Variants in SFMBT2 observed in about 807,000 individuals in gnomAD.
SFMBT2 encodes the protein Scm like with four mbt domains 2.
In SFMBT2, 38 loss-of-function variants were observed where a neutral mutation model predicts 110.1. The observed-to-expected ratio is 0.35, with a 90% CI of 0.27 to 0.45. The LOEUF (loss-of-function observed/expected upper bound fraction) is 0.45. Ranked by LOEUF, SFMBT2 falls within the 20% of genes least tolerant of loss-of-function variation. The pLI is 1.00. For missense variants in SFMBT2, 1,011 were observed against 1,094.9 expected, an observed-to-expected ratio of 0.92 and a Z score of 1.08; for synonymous variants, 425 against 425.4, an observed-to-expected ratio of 1.00 and a Z score of 0.01.
intron 16 of SFMBT2, among the ~76,000 whole-genome samples, chr10:7,184,168 C>T (rs1317226723): frequency 6.6e-6 from 1 of 152,078 alleles, no homozygotes; most frequent in Non-Finnish European, 1.5e-5. Context: ...CCAAAAAAAT[C>T]ATCTCCTCTC....
At chr10:7,270,926 G>A (rs1841557480) in intron 7 of SFMBT2, among the ~76,000 whole-genome samples, 1 of 152,118 alleles carries the variant, frequency 6.6e-6, no homozygotes, top group Non-Finnish European at 1.5e-5. Context: ...TATACCTTTT[G>A]AGTCTTAGTA....
intron 11 of SFMBT2, among the ~76,000 whole-genome samples, chr10:7,213,937 T>C (rs187155923): frequency 1.5e-4 from 23 of 152,116 alleles, no homozygotes; most frequent in Middle Eastern, 3.4e-3. Context: ...GATTCTAACC[T>C]CTACATCTGA....
At chr10:7,363,588 C>T (rs1183010) in intron 4 of SFMBT2, among the ~76,000 whole-genome samples, 11,009 of 152,178 alleles carry the variant, frequency 0.072, 526 homozygotes, top group Non-Finnish European at 0.11. Context: ...CCTCGTGATC[C>T]GCCCGCATCG....
intron 2 of SFMBT2, among the ~76,000 whole-genome samples, chr10:7,374,079 A>G (rs1845136370): frequency 6.6e-6 from 1 of 152,184 alleles, no homozygotes; most frequent in Non-Finnish European, 1.5e-5. Flanking sequence ...CCTGGTGAAC[A>G]TGGTGAAACC....
chr10:7,354,951 G>A (rs1844452189), intron 4 of SFMBT2, among the ~76,000 whole-genome samples: 1 of 152,214 alleles, frequency 6.6e-6, no homozygotes, highest in African/African-American at 2.4e-5. Flanking sequence ...AAAGACGTAA[G>A]TCATAAATGA....
At chr10:7,164,557 C>G (rs1837644046) in intron 20 of SFMBT2, among the ~76,000 whole-genome samples, 1 of 152,072 alleles carries the variant, frequency 6.6e-6, no homozygotes, top group South Asian at 2.1e-4. Context: ...AAGTCACTCT[C>G]CACCCCAGGC....
chr10:7,288,233 T>A (rs1348906417), intron 4 of SFMBT2, among the ~76,000 whole-genome samples: 1 of 152,094 alleles, frequency 6.6e-6, no homozygotes, highest in African/African-American at 2.4e-5. Flanking sequence ...CGCACAAGGA[T>A]GATCATCACA....
chr10:7,384,485 CTTTT>C (rs79291730), intron 1 of SFMBT2, among the ~76,000 whole-genome samples: 1 of 151,952 alleles, frequency 6.6e-6, no homozygotes. Flanking sequence ...TAGTGAAATC[CTTTT>C]TTAACAGTTT....
intron 4 of SFMBT2, among the ~76,000 whole-genome samples, chr10:7,297,581 C>T (rs1381963098): frequency 6.6e-6 from 1 of 151,984 alleles, no homozygotes; most frequent in Admixed American, 6.6e-5. Flanking sequence ...GAGGCCATCA[C>T]GGGTGGGGGT....
chr10:7,276,472 T>C (rs558090096), intron 7 of SFMBT2, among the ~76,000 whole-genome samples: 4 of 147,142 alleles, frequency 2.7e-5, no homozygotes, highest in Non-Finnish European at 5.9e-5. Context: ...CCTTAAGCAT[T>C]TAAAATGGAA....
intron 8 of SFMBT2, among the ~76,000 whole-genome samples, chr10:7,246,829 C>G (rs1031201077): frequency 1.3e-5 from 2 of 151,078 alleles, no homozygotes; most frequent in African/African-American, 4.9e-5. Context: ...GACTCTGTAG[C>G]GTGATACATC....
intron 4 of SFMBT2, among the ~76,000 whole-genome samples, chr10:7,332,819 A>G (rs750903029): frequency 1.3e-5 from 2 of 152,260 alleles, no homozygotes; most frequent in African/African-American, 2.4e-5. Flanking sequence ...AAAGGAACTC[A>G]GAATAGGCCA....
chr10:7,334,645 A>G (rs990794270), intron 4 of SFMBT2, among the ~76,000 whole-genome samples: 20 of 152,140 alleles, frequency 1.3e-4, no homozygotes, highest in Admixed American at 7.9e-4. Flanking sequence ...GCATTATTCC[A>G]TGAGAGGCAG....
At chr10:7,385,324 A>AGGTGGCATGGGCTTGGAGAGCGGAG (rs1845562704) in intron 1 of SFMBT2, among the ~76,000 whole-genome samples, 1 of 152,216 alleles carries the variant, frequency 6.6e-6, no homozygotes, top group African/African-American at 2.4e-5. Flanking sequence ...CAGAAGCCAC[A>AGGTGGCATGGGCTTGGAGAGCGGAG]GGTGGCATGG....
At position 7,301,262 on chromosome 10, in the gene SFMBT2, C is replaced by A. The variant is rs1035722925; in HGVS notation, c.437-15308G>T. 1.8e-4 allele frequency among the ~76,000 whole-genome samples: 27 copies of A among 152,322 alleles called. No individual in the cohort carries two copies. The highest frequency in any genetic ancestry group is 2.0e-4 in the Admixed American group (3 of 15,300). The stretch of plus-strand genomic sequence containing the variant: ...GTTATTAGCGTCTTTATGTCATGTG[C>A]AAATCAGCGTGAGACACTAGTAACT... On this transcript the variant is annotated intron_variant, in intron 4 of 20. Transcript: ENST00000397167. This position sits in a 1 kb window ranked among gnomAD's most constrained non-coding sequence, Gnocchi z 4.2.
intron 4 of SFMBT2, among the ~76,000 whole-genome samples, chr10:7,345,547 C>T (rs34138896): frequency 0.047 from 7,169 of 152,134 alleles, 240 homozygotes; most frequent in Non-Finnish European, 0.075. Context: ...TTAGTAAAGA[C>T]GGGGTTTTGC....
intron 1 of SFMBT2, among the ~76,000 whole-genome samples, chr10:7,382,378 C>A (rs192646268): frequency 6.6e-6 from 1 of 152,116 alleles, no homozygotes; most frequent in East Asian, 1.9e-4. Context: ...CCACTGCACT[C>A]CAGCCTGTGA....
rs147260210 is a variant in SFMBT2 at position 7,331,156 on chromosome 10, T to A, written c.436+36493A>T. 3.5e-3 allele frequency among the ~76,000 whole-genome samples: 536 copies of A among 152,362 alleles called. 8 individuals are homozygous for A. In the East Asian group the frequency reaches 0.055, roughly 16 times the overall value. On this transcript the variant is annotated intron_variant, in intron 4 of 20. Coordinates refer to ENST00000397167, the MANE Select transcript of SFMBT2 (RefSeq NM_001387889.1). Reference sequence around the variant, plus strand: ...CCTACCAAGGCTTCATTATAAACCATGTCATTGTAAAGAAGGAAAAATTAC... The same window carrying A: ...CCTACCAAGGCTTCATTATAAACCAAGTCATTGTAAAGAAGGAAAAATTAC...
chr10:7,325,241 T>C (rs1298321507), intron 4 of SFMBT2, among the ~76,000 whole-genome samples: 2 of 152,044 alleles, frequency 1.3e-5, no homozygotes, highest in African/African-American at 2.4e-5. Context: ...ATGCTGGGAT[T>C]ACACGCCTGA....
Sources: gnomAD v4.1 joint callset for allele counts (sites outside exome capture counted in the v4.1 genomes callset) on GRCh38, gnomAD v4.1.1 for gene constraint, Gnocchi (gnomAD v3.1) non-coding constraint, MANE v1.5 for transcripts, NCBI Gene and HGNC (gene_info 2026-07-23, HGNC 2026-07-21) for gene names.